The following KIF26B variants were observed in gnomAD, a reference collection of about 807,000 sequenced individuals.
KIF26B encodes kinesin-like protein KIF26B.
A neutral mutation model predicts 151.2 loss-of-function variants in KIF26B; 63 were observed. The observed-to-expected ratio is 0.42, with a 90% CI of 0.34 to 0.51. KIF26B has a LOEUF of 0.51. Among genes scored for constraint, KIF26B ranks in the 20% least tolerant of loss-of-function variants. The pLI is 0.07. For missense variants in KIF26B, 2,813 were observed against 2,913.6 expected (o/e 0.97, Z 0.79); for synonymous variants, 1,357 against 1,262.1 (o/e 1.08, Z -1.59).
At chr1:245,388,932 A>C (rs1219059025) in intron 3 of KIF26B, among the ~76,000 whole-genome samples, 1 of 152,220 alleles carries the variant, frequency 6.6e-6, no homozygotes, top group African/African-American at 2.4e-5. Flanking sequence ...TAAGCATTGC[A>C]GAAGACAGCA....
chr1:245,223,158 A>G (rs369692823), intron 2 of KIF26B, among the ~76,000 whole-genome samples: 1 of 152,162 alleles, frequency 6.6e-6, no homozygotes, highest in East Asian at 1.9e-4. Context: ...TGCATTCCAC[A>G]TGGCAAGCCC....
At chr1:245,294,964 G>C (rs983615185) in intron 2 of KIF26B, among the ~76,000 whole-genome samples, 2 of 152,156 alleles carry the variant, frequency 1.3e-5, no homozygotes, top group South Asian at 4.2e-4. Context: ...TGCCCGGCTG[G>C]GTTCTTGAGG....
At chr1:245,214,385 T>G (rs191713122) in intron 2 of KIF26B, among the ~76,000 whole-genome samples, 2 of 151,678 alleles carry the variant, frequency 1.3e-5, no homozygotes, top group Admixed American at 1.3e-4. Context: ...TAAAAACATT[T>G]TTTTAATATC....
chr1:245,231,696 G>T (rs913252254), intron 2 of KIF26B, among the ~76,000 whole-genome samples: 5 of 152,036 alleles, frequency 3.3e-5, no homozygotes, highest in Admixed American at 2.6e-4. Context: ...GGAGGATAAG[G>T]AGGAAGAGGA....
At chr1:245,682,485 A>C (rs1373446448) in intron 10 of KIF26B, among the ~76,000 whole-genome samples, 5 of 110,322 alleles carry the variant, frequency 4.5e-5, no homozygotes, top group Non-Finnish European at 9.2e-5. Flanking sequence ...TCACAACCTA[A>C]CTGAGCAGAA....
chr1:245,446,090 T>C (rs538061312), intron 4 of KIF26B, among the ~76,000 whole-genome samples: 49 of 152,322 alleles, frequency 3.2e-4, no homozygotes, highest in African/African-American at 1.1e-3. Context: ...GCACTTAACA[T>C]AAGCCTAAAT....
intron 5 of KIF26B, among the ~76,000 whole-genome samples, chr1:245,548,875 C>G (rs1661813892): frequency 6.6e-6 from 1 of 152,074 alleles, no homozygotes; most frequent in Admixed American, 6.6e-5. Flanking sequence ...TCCCGAGTAG[C>G]TGAGATTACA....
rs1464006109 is a variant in KIF26B at position 245,601,564 on chromosome 1, A to C, written c.1351-1013A>C. Among the ~76,000 whole-genome samples, 1 of 152,212 alleles carries C rather than the reference A, an allele frequency of 6.6e-6. No individual in the cohort carries two copies. Among genetic ancestry groups the C allele is most frequent in the Non-Finnish European group, 1.5e-5 (1 of 68,054 alleles). ...TGTGCATACCTTCCGAAGTTGCCAC[A>C]TATTACTAAAATTACCTGTATCTGT... On this transcript the variant is annotated intron_variant, in intron 5 of 14. Transcript: ENST00000407071. The surrounding 1 kb of genome is among the most constrained non-coding windows in gnomAD (Gnocchi z 4.4).
chr1:245,621,394 T>C (rs974788391), intron 9 of KIF26B, among the ~76,000 whole-genome samples: 1 of 152,200 alleles, frequency 6.6e-6, no homozygotes, highest in African/African-American at 2.4e-5. Flanking sequence ...AATTAAGTGA[T>C]ATTAGGAGAA....
chr1:245,257,491 C>T (rs1670558212), intron 2 of KIF26B, among the ~76,000 whole-genome samples: 1 of 152,228 alleles, frequency 6.6e-6, no homozygotes, highest in African/African-American at 2.4e-5. Context: ...AATGTCATCT[C>T]AGCTCACCTC....
chr1:245,244,140 A>G lies in KIF26B; in HGVS notation c.465+87457A>G, dbSNP rs1178093182. Among the ~76,000 whole-genome samples, 1 of 151,964 alleles carries G rather than the reference A, an allele frequency of 6.6e-6. No individual in the cohort carries two copies. The highest frequency in any genetic ancestry group is 2.4e-5 in the African/African-American group (1 of 41,370). On this transcript the variant is annotated intron_variant, in intron 2 of 14. Coordinates refer to ENST00000407071, the MANE Select transcript of KIF26B (RefSeq NM_018012.4). This position sits in a 1 kb window ranked among gnomAD's most constrained non-coding sequence, Gnocchi z 4.2. ...TTTTATTTATTTATTTATTTTTTGTAGAGATTGGGTCTTGCTATGTTACCC... is the reference window on the plus strand; with the variant it reads ...TTTTATTTATTTATTTATTTTTTGTGGAGATTGGGTCTTGCTATGTTACCC...
intron 2 of KIF26B, among the ~76,000 whole-genome samples, chr1:245,258,015 T>C (rs1422310969): frequency 6.6e-6 from 1 of 150,880 alleles, no homozygotes; most frequent in East Asian, 2.0e-4. Context: ...AGTGAGACTC[T>C]GTCTTAAAAA....
chr1:245,589,237 TC>T (rs1009214877), intron 5 of KIF26B, among the ~76,000 whole-genome samples: 1 of 152,022 alleles, frequency 6.6e-6, no homozygotes, highest in African/African-American at 2.4e-5. Context: ...AGCTGCAGAG[TC>T]CCAGGCTGGA....
intron 10 of KIF26B, among the ~76,000 whole-genome samples, chr1:245,670,264 ATATATATATATATATATG>A (rs1301723371): frequency 1.5e-5 from 2 of 135,316 alleles, no homozygotes; most frequent in African/African-American, 6.6e-5. Context: ...ATATATATAT[ATATATATATATATATATG>A]CACACACACA....
intron 3 of KIF26B, among the ~76,000 whole-genome samples, chr1:245,414,953 G>A (rs995268280): frequency 6.6e-6 from 1 of 152,188 alleles, no homozygotes; most frequent in African/African-American, 2.4e-5. Flanking sequence ...GGGAATCAGA[G>A]GCCTGTGTTT....
chr1:245,546,981 T>G (rs750746142), intron 5 of KIF26B, among the ~76,000 whole-genome samples: 2 of 152,246 alleles, frequency 1.3e-5, no homozygotes, highest in Non-Finnish European at 2.9e-5. Flanking sequence ...GGGGAAAATG[T>G]TCTGACTCTT....
At chr1:245,428,435 T>C (rs1482756810) in intron 4 of KIF26B, among the ~76,000 whole-genome samples, 1 of 152,190 alleles carries the variant, frequency 6.6e-6, no homozygotes, top group Non-Finnish European at 1.5e-5. Flanking sequence ...CAGTTGCTTA[T>C]GAGACAGCGA....
At position 245,352,055 on chromosome 1, in the gene KIF26B, CTG is replaced by C. The variant is rs1672579231; in HGVS notation, c.466-14770_466-14769del. Among the ~76,000 whole-genome samples the C allele has an allele frequency of 6.6e-6, 1 of 152,138 alleles. No homozygotes were observed. Among genetic ancestry groups the C allele is most frequent in the African/African-American group, 2.4e-5 (1 of 41,418 alleles). ...GAGATTTGAAAGTTTTAGAATGTGG[CTG>C]TGTGTGTGAGAGAGATCGTCCCTCA... is the stretch of plus-strand genomic sequence containing the variant. On this transcript the variant is annotated intron_variant, in intron 2 of 14. Coordinates refer to ENST00000407071, the MANE Select transcript of KIF26B (RefSeq NM_018012.4). This position sits in a 1 kb window ranked among gnomAD's most constrained non-coding sequence, Gnocchi z 5.0.
At chr1:245,546,215 TTTTTG>T (rs1266099030) in intron 5 of KIF26B, among the ~76,000 whole-genome samples, 1 of 152,192 alleles carries the variant, frequency 6.6e-6, no homozygotes, top group African/African-American at 2.4e-5. Flanking sequence ...GGTTTTGTTT[TTTTTG>T]TTTTTTGTTT....
Sources: gnomAD v4.1 joint callset for allele counts (sites outside exome capture counted in the v4.1 genomes callset) on GRCh38, gnomAD v4.1.1 for gene constraint, Gnocchi (gnomAD v3.1) non-coding constraint, MANE v1.5 for transcripts, NCBI Gene and HGNC (gene_info 2026-07-23, HGNC 2026-07-21) for gene names.